The following BAZ2B variants were observed in gnomAD, a reference collection of about 807,000 sequenced individuals.
BAZ2B encodes the protein bromodomain adjacent to zinc finger domain protein 2B.
A neutral mutation model predicts 246.0 loss-of-function variants in BAZ2B; 91 were observed. The ratio of observed to expected loss-of-function variants is 0.37; its 90% confidence interval spans 0.31 to 0.44. The LOEUF (loss-of-function observed/expected upper bound fraction) is 0.44, where lower values mean the gene tolerates loss of function less well. Among genes scored for constraint, BAZ2B ranks in the 20% least tolerant of loss-of-function variants. The pLI, the probability that BAZ2B is intolerant of heterozygous loss-of-function variation, is 1.00. For synonymous variants in BAZ2B, 855 were observed against 860.0 expected, an observed-to-expected ratio of 0.99 and a Z score of 0.10; for missense variants, 2,332 against 2,533.7, an observed-to-expected ratio of 0.92 and a Z score of 1.71.
chr2:159,641,812 AAATT>A, the BAZ2B span, among the ~76,000 whole-genome samples: 1 of 152,226 alleles, frequency 6.6e-6, no homozygotes. Context: ...TCTTATTTTG[AAATT>A]ATAAACATAC....
chr2:159,348,887 C>T, intron 29 of BAZ2B, 54 bp from the exon 30 acceptor site: 2 of 1,552,838 alleles, frequency 1.3e-6, no homozygotes, highest in Non-Finnish European at 1.7e-6. Context: ...TAGGAAATGA[C>T]ACCATGGAAA....
the BAZ2B span, among the ~76,000 whole-genome samples, chr2:159,659,123 T>C: frequency 6.6e-6 from 1 of 152,182 alleles, no homozygotes; most frequent in African/African-American, 2.4e-5. Flanking sequence ...TTGTAGAGAA[T>C]TTGTATAATT....
chr2:159,386,368 T>G lies in BAZ2B; in HGVS notation c.3456A>C (p.Leu1152=). 1 of 1,611,870 alleles carries G rather than the reference T, an allele frequency of 6.2e-7. No individual in the cohort carries two copies. Among genetic ancestry groups the G allele is most frequent in the Non-Finnish European group, 8.5e-7 (1 of 1,179,184 alleles). The stretch of plus-strand genomic sequence containing the variant: ...TTTTTTTTACCTTGTATCCTGTTAT[T>G]AGACCTGGATCACATACAGCAGCTG... The part of the protein sequence containing the change: ...LLSAAVCDPG[L]ITGYKAKTAL... The change falls in exon 22 of 37, where the codon CTA becomes CTC. Residue 1152 remains leucine, a synonymous_variant. Transcript: ENST00000392783.
At chr2:159,419,267 C>T (rs901549042) in intron 13 of BAZ2B, among the ~76,000 whole-genome samples, 2 of 152,046 alleles carry the variant, frequency 1.3e-5, no homozygotes, top group South Asian at 4.2e-4. Context: ...TATGAAATTA[C>T]CCTTCTAGAA....
intron 2 of BAZ2B, among the ~76,000 whole-genome samples, chr2:159,489,136 C>T (rs1345753466): frequency 6.6e-6 from 1 of 151,848 alleles, no homozygotes; most frequent in Non-Finnish European, 1.5e-5. Flanking sequence ...TCTTGATGTC[C>T]AATATGTTAC....
rs1315122240 is a variant in BAZ2B at position 159,438,571 on chromosome 2, G to T, written c.1025C>A (p.Ser342Tyr). The change falls in exon 8 of 37, where the codon TCC becomes TAC. Residue 342 changes from serine to tyrosine, a missense_variant. Transcript: ENST00000392783. ...ASESQTHSFQ[S>Y]QQKQPQVLSQ... Reference sequence around the variant, plus strand: ...CAAAACCTGAGGCTGCTTCTGCTGGGATTGGAATGAGTGAGTCTGGGATTC... The same window carrying T: ...CAAAACCTGAGGCTGCTTCTGCTGGTATTGGAATGAGTGAGTCTGGGATTC... The T allele has an allele frequency of 1.9e-6, 3 of 1,614,182 alleles. No homozygotes were observed. The highest frequency in any genetic ancestry group is 2.5e-6 in the Non-Finnish European group (3 of 1,180,018).
At chr2:159,621,621 TTAGTA>T in the BAZ2B span, among the ~76,000 whole-genome samples, 1 of 152,058 alleles carries the variant, frequency 6.6e-6, no homozygotes, top group Non-Finnish European at 1.5e-5. Flanking sequence ...ATATGGAAAT[TTAGTA>T]TAGATAAAAG....
the BAZ2B span, among the ~76,000 whole-genome samples, chr2:159,629,687 T>C: frequency 6.7e-6 from 1 of 149,808 alleles, no homozygotes; most frequent in Non-Finnish European, 1.5e-5. Context: ...GATAGGGGGC[T>C]AGGGGAGGGA....
At chr2:159,692,017 A>C in the BAZ2B span, among the ~76,000 whole-genome samples, 1 of 152,210 alleles carries the variant, frequency 6.6e-6, no homozygotes, top group Non-Finnish European at 1.5e-5. Context: ...GCCATGTATG[A>C]TCTATGTTTA....
At chr2:159,692,344 G>C in the BAZ2B span, among the ~76,000 whole-genome samples, 1 of 151,982 alleles carries the variant, frequency 6.6e-6, no homozygotes. Flanking sequence ...TTTTAGTAGA[G>C]ACGGGGTTTC....
At chr2:159,590,276 A>AAG (rs1474621996) in intron 1 of BAZ2B, among the ~76,000 whole-genome samples, 1 of 149,956 alleles carries the variant, frequency 6.7e-6, no homozygotes, top group East Asian at 1.9e-4. Context: ...ACTCAAAAAA[A>AAG]AAAAAAAAAA....
intron 31 of BAZ2B, among the ~76,000 whole-genome samples, chr2:159,341,559 C>G (rs116628418): frequency 0.028 from 4,248 of 152,232 alleles, 201 homozygotes; most frequent in African/African-American, 0.097. Context: ...CATCCACCAG[C>G]TGCAGAATAC....
At chr2:159,595,419 T>C (rs1402301096) in intron 1 of BAZ2B, among the ~76,000 whole-genome samples, 1 of 152,184 alleles carries the variant, frequency 6.6e-6, no homozygotes, top group African/African-American at 2.4e-5. Context: ...TATATACTAA[T>C]GACAAGCTGT....
At chr2:159,551,385 T>C (rs993458680) in intron 2 of BAZ2B, among the ~76,000 whole-genome samples, 5 of 145,078 alleles carry the variant, frequency 3.4e-5, no homozygotes, top group Non-Finnish European at 7.4e-5. Context: ...AGGAGAATGG[T>C]GTGAACCCGG....
chr2:159,704,952 T>C, the BAZ2B span, among the ~76,000 whole-genome samples: 5 of 152,004 alleles, frequency 3.3e-5, no homozygotes, highest in Non-Finnish European at 7.4e-5. Flanking sequence ...TCCGCCCAGT[T>C]CGGCCTCCCA....
intron 8 of BAZ2B, chr2:159,433,903 C>T (rs2071618819): frequency 6.5e-6 from 1 of 153,184 alleles, no homozygotes; most frequent in Non-Finnish European, 1.5e-5. Context: ...CCTAACCTAC[C>T]AAACATCATA....
chr2:159,400,603 A>C lies in BAZ2B; in HGVS notation c.2894T>G (p.Leu965Arg). The C allele has an allele frequency of 6.4e-7, 1 of 1,555,034 alleles. No individual in the cohort carries two copies. Among genetic ancestry groups the C allele is most frequent in the Non-Finnish European group, 8.8e-7 (1 of 1,134,604 alleles). The change falls in exon 17 of 37, where the codon CTA becomes CGA. Residue 965 changes from leucine (L) to arginine (R), a missense_variant. This residue lies in a region of BAZ2B where 328 missense variants were observed against 410.4 expected (regional missense o/e 0.80). Transcript: ENST00000392783. ...TATTAAATTTAAGACTTCTACCTCT[A>C]GAATTTGCTGAGCTCGAAGTTCTTT... The part of the protein sequence containing the change: ...MEKELRAQQI[L>R]EAKKKKKEEA...
At chr2:159,693,691 A>C in the BAZ2B span, 1 of 150,714 alleles carries the variant, frequency 6.6e-6, no homozygotes, top group Non-Finnish European at 1.5e-5. Context: ...TCAAAGTGTG[A>C]GTCATTGCAC....
upstream of BAZ2B, chr2:159,616,657 A>T (rs1386242098): frequency 6.6e-6 from 1 of 152,236 alleles, no homozygotes; most frequent in Non-Finnish European, 1.5e-5. Context: ...AGTTCCAATA[A>T]TAAATGACCT....
Sources: allele counts gnomAD v4.1 joint callset (sites outside exome capture counted in the v4.1 genomes callset), GRCh38; gene constraint gnomAD v4.1.1; regional missense constraint gnomAD v4.1.1; transcripts MANE v1.5; gene names NCBI Gene and HGNC (gene_info 2026-07-23, HGNC 2026-07-21).